PPFIA2: variants seen among roughly 807,000 people sequenced by gnomAD.
The protein encoded by PPFIA2 is PPFI scaffold protein A2, also known as liprin-alpha-2.
In PPFIA2, 46 loss-of-function variants were observed where a neutral mutation model predicts 175.5. The observed-to-expected ratio is 0.26, with a 90% CI of 0.21 to 0.34. The LOEUF (loss-of-function observed/expected upper bound fraction) is 0.34. Among genes scored for constraint, PPFIA2 ranks in the 10% least tolerant of loss-of-function variants. PPFIA2 has a pLI of 1.00. For missense variants in PPFIA2, 1,179 were observed against 1,506.1 expected, an observed-to-expected ratio of 0.78 and a Z score of 3.60; for synonymous variants, 568 against 511.4, an observed-to-expected ratio of 1.11 and a Z score of -1.49.
chr12:81,660,599 A>T (rs564433041), intron 4 of PPFIA2, among the ~76,000 whole-genome samples: 1 of 152,202 alleles, frequency 6.6e-6, no homozygotes, highest in Non-Finnish European at 1.5e-5. Context: ...ATGGGGAGAA[A>T]GGAACCAAGT....
At chr12:81,288,039 C>T (rs1450838385) in intron 24 of PPFIA2, among the ~76,000 whole-genome samples, 2 of 151,706 alleles carry the variant, frequency 1.3e-5, no homozygotes, top group East Asian at 3.9e-4. Context: ...TCATCTGAGT[C>T]TAACATGAAA....
At chr12:81,274,222 T>G (rs915502314) in intron 28 of PPFIA2, among the ~76,000 whole-genome samples, 3 of 152,164 alleles carry the variant, frequency 2.0e-5, no homozygotes, top group African/African-American at 7.2e-5. Context: ...AAACACACCG[T>G]TTTTTAAAAA....
chr12:81,361,993 CTATG>C (rs1332694084), intron 15 of PPFIA2, among the ~76,000 whole-genome samples: 1 of 123,662 alleles, frequency 8.1e-6, no homozygotes, highest in Non-Finnish European at 1.7e-5. Flanking sequence ...ATGTATCTAT[CTATG>C]TATCTATGTA....
chr12:81,599,828 G>A (rs2059614982), intron 4 of PPFIA2, among the ~76,000 whole-genome samples: 1 of 151,832 alleles, frequency 6.6e-6, no homozygotes. Flanking sequence ...GAGAGGAACT[G>A]GCCAAATGTA....
chr12:81,426,866 A>C (rs753988354), intron 7 of PPFIA2, among the ~76,000 whole-genome samples: 4 of 152,104 alleles, frequency 2.6e-5, no homozygotes, highest in Admixed American at 2.0e-4. Context: ...GGCCACTGCA[A>C]TGTTCTCATG....
At chr12:81,759,225 C>G (rs1488818552) in intron 1 of PPFIA2, 55 bp downstream of exon 1, 1 of 147,760 alleles carries the variant, frequency 6.8e-6, no homozygotes, top group Admixed American at 6.8e-5. Flanking sequence ...CATTTTTCTC[C>G]TCCCGGCCTT....
At chr12:81,637,821 T>C (rs772247217) in intron 4 of PPFIA2, among the ~76,000 whole-genome samples, 6 of 152,156 alleles carry the variant, frequency 3.9e-5, no homozygotes, top group Non-Finnish European at 7.3e-5. Context: ...TCATGTGCCA[T>C]ATACCATGGT....
intron 18 of PPFIA2, among the ~76,000 whole-genome samples, 191 bp downstream of exon 18, chr12:81,347,342 G>T (rs1004520846): frequency 6.6e-6 from 1 of 152,028 alleles, no homozygotes; most frequent in African/African-American, 2.4e-5. Context: ...ACCTGTGTGG[G>T]TTACCATTTC....
At chr12:81,353,092 G>A in intron 17 of PPFIA2, 27 bp downstream of exon 17, 4 of 1,590,422 alleles carry the variant, frequency 2.5e-6, no homozygotes, top group Non-Finnish European at 3.5e-6. Flanking sequence ...CTAATTTCTT[G>A]AAATCATCAG....
chr12:81,506,002 C>G (rs1158346729), intron 4 of PPFIA2: 2 of 152,176 alleles, frequency 1.3e-5, no homozygotes, highest in African/African-American at 4.8e-5. Flanking sequence ...GGCTGAAGCA[C>G]AGAGCATCCG....
chr12:81,603,424 G>C (rs2059986128), intron 4 of PPFIA2, among the ~76,000 whole-genome samples: 1 of 151,560 alleles, frequency 6.6e-6, no homozygotes, highest in Non-Finnish European at 1.5e-5. Flanking sequence ...ACCAGAACTT[G>C]GTCTTGTGTT....
At chr12:81,331,285 T>C (rs934238360) in intron 21 of PPFIA2, among the ~76,000 whole-genome samples, 2 of 152,258 alleles carry the variant, frequency 1.3e-5, no homozygotes, top group African/African-American at 4.8e-5. Context: ...TGTGGATTTT[T>C]TATAGCAACA....
chr12:81,388,764 G>A (rs1304568401), intron 8 of PPFIA2, among the ~76,000 whole-genome samples: 1 of 151,926 alleles, frequency 6.6e-6, no homozygotes, highest in African/African-American at 2.4e-5. Context: ...AAGAATTTTG[G>A]AGAAACTGAG....
intron 4 of PPFIA2, among the ~76,000 whole-genome samples, chr12:81,557,869 T>G (rs1192394402): frequency 6.6e-6 from 1 of 152,062 alleles, no homozygotes; most frequent in Non-Finnish European, 1.5e-5. Context: ...TAAAATATAA[T>G]TACAAACTCT....
Position 81,347,519 on chromosome 12 carries a change from ACACAT to A in PPFIA2, c.2232+9_2232+13del. On this transcript the variant is annotated intron_variant, in intron 18 of 32. Coordinates refer to ENST00000549396, the MANE Select transcript of PPFIA2 (RefSeq NM_003625.5). ...TTAACAGGAGGCAAAGGTTCTCTGG[ACACAT>A]CACCATACCAGTGTCATGACTCCCA... 6.4e-7 allele frequency: 1 copy of A among 1,574,762 alleles called. No homozygotes were observed. Among genetic ancestry groups the A allele is most frequent in the Non-Finnish European group, 8.7e-7 (1 of 1,144,366 alleles).
At chr12:81,720,051 A>T (rs905774206) in intron 3 of PPFIA2, among the ~76,000 whole-genome samples, 6 of 151,452 alleles carry the variant, frequency 4.0e-5, no homozygotes, top group African/African-American at 1.5e-4. Context: ...AATTTAAAAA[A>T]AAATGTAATT....
At chr12:81,603,312 A>G (rs2059975133) in intron 4 of PPFIA2, among the ~76,000 whole-genome samples, 1 of 151,860 alleles carries the variant, frequency 6.6e-6, no homozygotes, top group Non-Finnish European at 1.5e-5. Context: ...CATTAATTGC[A>G]TATAGTAGAT....
In PPFIA2 at chr12:81,564,428, C is replaced by T. The variant is rs116495018; in HGVS notation, c.304-106562G>A. On this transcript the variant is annotated intron_variant, in intron 4 of 32. Coordinates refer to ENST00000549396, the MANE Select transcript of PPFIA2 (RefSeq NM_003625.5). ...TGCTCTACTGCTAGTGACCTTTCTA[C>T]CAAAATGCAAACTGACCAAAATAGG... 6.7e-3 allele frequency among the ~76,000 whole-genome samples: 1,024 copies of T among 152,228 alleles called. 9 individuals are homozygous for T. The highest frequency in any genetic ancestry group is 0.023 in the African/African-American group (963 of 41,528).
At chr12:81,735,789 CTT>C (rs931263407) in intron 3 of PPFIA2, among the ~76,000 whole-genome samples, 20 of 151,740 alleles carry the variant, frequency 1.3e-4, no homozygotes, top group Non-Finnish European at 1.0e-4. Flanking sequence ...CTAAATTAGT[CTT>C]TGTGCATTTG....
Sources: allele counts gnomAD v4.1 joint callset (sites outside exome capture counted in the v4.1 genomes callset), GRCh38; gene constraint gnomAD v4.1.1; transcripts MANE v1.5; gene names NCBI Gene and HGNC (gene_info 2026-07-23, HGNC 2026-07-21).